ADAMTS19: variants seen among roughly 807,000 people sequenced by gnomAD.
The protein encoded by ADAMTS19 is A disintegrin and metalloproteinase with thrombospondin motifs 19.
ADAMTS19 carries 93 observed loss-of-function variants against 153.3 expected under a neutral mutation model. That is an observed-to-expected ratio of 0.61 (90% confidence interval 0.51 to 0.72). ADAMTS19 has a LOEUF of 0.72. Among genes scored for constraint, ADAMTS19 ranks in the 30% least tolerant of loss-of-function variants. The pLI is 0.00. For missense variants in ADAMTS19, 1,482 were observed against 1,552.1 expected, an observed-to-expected ratio of 0.95 and a Z score of 0.76; for synonymous variants, 600 against 556.6, an observed-to-expected ratio of 1.08 and a Z score of -1.10.
intron 19 of ADAMTS19, among the ~76,000 whole-genome samples, chr5:129,696,742 G>A (rs558358151): frequency 2.0e-5 from 3 of 152,216 alleles, no homozygotes; most frequent in South Asian, 2.1e-4. Context: ...GGTCAAAGGT[G>A]GATTCAAAGA....
intron 8 of ADAMTS19, among the ~76,000 whole-genome samples, chr5:129,608,116 G>GTGTGTGTATATATATATATATA (rs377008786): frequency 3.1e-4 from 15 of 47,938 alleles, no homozygotes; most frequent in South Asian, 9.7e-4. Context: ...GTGTGTGTGT[G>GTGTGTGTATATATATATATATA]TATATATATA....
intron 2 of ADAMTS19, among the ~76,000 whole-genome samples, chr5:129,489,068 A>C (rs189696941): frequency 1.3e-5 from 2 of 152,258 alleles, no homozygotes; most frequent in Admixed American, 1.3e-4. Flanking sequence ...TAGGTGCGTG[A>C]ACAATTTAGC....
At chr5:129,484,095 A>G (rs1012367564) in intron 2 of ADAMTS19, among the ~76,000 whole-genome samples, 13 of 152,142 alleles carry the variant, frequency 8.5e-5, no homozygotes, top group Non-Finnish European at 1.5e-5. Flanking sequence ...TTTAATGTTT[A>G]TTTCCACAAT....
intron 2 of ADAMTS19, among the ~76,000 whole-genome samples, chr5:129,486,923 T>G (rs938320606): frequency 6.6e-6 from 1 of 152,186 alleles, no homozygotes; most frequent in African/African-American, 2.4e-5. Context: ...CAGGATGCAA[T>G]GCCGGTTCAT....
chr5:129,665,310 G>T (rs998544099), intron 15 of ADAMTS19, among the ~76,000 whole-genome samples, 189 bp from the exon 16 acceptor site: 9 of 151,752 alleles, frequency 5.9e-5, no homozygotes, highest in East Asian at 1.9e-4. Context: ...AGTGCTGTAG[G>T]CTCAACATGT....
chr5:129,568,696 C>T (rs1317813960), intron 7 of ADAMTS19, among the ~76,000 whole-genome samples: 1 of 152,020 alleles, frequency 6.6e-6, no homozygotes, highest in Non-Finnish European at 1.5e-5. Flanking sequence ...GTATTGTGTT[C>T]TGGTAATCTC....
intron 2 of ADAMTS19, among the ~76,000 whole-genome samples, chr5:129,489,328 A>G (rs1250058083): frequency 6.6e-6 from 1 of 152,152 alleles, no homozygotes; most frequent in Non-Finnish European, 1.5e-5. Flanking sequence ...TAAGAAAAAT[A>G]AAGACCAATG....
chr5:129,557,970 A>C (rs1753370861), intron 7 of ADAMTS19, among the ~76,000 whole-genome samples: 1 of 152,272 alleles, frequency 6.6e-6, no homozygotes, highest in South Asian at 2.1e-4. Flanking sequence ...TTAAAATGTA[A>C]CTATATATTC....
At chr5:129,655,020 GGA>G (rs1753483716) in intron 14 of ADAMTS19, among the ~76,000 whole-genome samples, 1 of 152,180 alleles carries the variant, frequency 6.6e-6, no homozygotes, top group African/African-American at 2.4e-5. Context: ...AGAACATAGT[GGA>G]GAGATCAAAG....
chr5:129,583,383 G>A (rs1334510935), intron 7 of ADAMTS19, among the ~76,000 whole-genome samples: 3 of 152,048 alleles, frequency 2.0e-5, no homozygotes, highest in Non-Finnish European at 4.4e-5. Flanking sequence ...TGACGATTAT[G>A]TGTCTTGGGG....
intron 2 of ADAMTS19, among the ~76,000 whole-genome samples, chr5:129,486,215 G>A (rs1235247396): frequency 6.6e-6 from 1 of 152,096 alleles, no homozygotes; most frequent in Non-Finnish European, 1.5e-5. Flanking sequence ...AATTTGAAAG[G>A]AGGGAACACT....
intron 16 of ADAMTS19, among the ~76,000 whole-genome samples, chr5:129,675,762 C>T (rs535743938): frequency 8.5e-5 from 13 of 152,246 alleles, no homozygotes; most frequent in Non-Finnish European, 1.8e-4. Flanking sequence ...CAGCTGGGCA[C>T]AGTGGCTCAC....
At chr5:129,657,031 C>T (rs1283769212) in intron 14 of ADAMTS19, among the ~76,000 whole-genome samples, 1 of 152,228 alleles carries the variant, frequency 6.6e-6, no homozygotes, top group Non-Finnish European at 1.5e-5. Context: ...CAGGCTTCTG[C>T]TTAATGTTCT....
intron 8 of ADAMTS19, among the ~76,000 whole-genome samples, chr5:129,613,128 C>T (rs1422080437): frequency 6.6e-6 from 1 of 152,022 alleles, no homozygotes; most frequent in African/African-American, 2.4e-5. Context: ...GACAGATCAA[C>T]GAGACAGAAA....
intron 21 of ADAMTS19, among the ~76,000 whole-genome samples, chr5:129,712,416 G>A (rs1425632109): frequency 6.6e-6 from 1 of 152,124 alleles, no homozygotes; most frequent in Non-Finnish European, 1.5e-5. Context: ...TAATAAGTAG[G>A]ATCCCTTTCC....
intron 8 of ADAMTS19, among the ~76,000 whole-genome samples, chr5:129,606,988 G>C (rs1342992651): frequency 6.6e-6 from 1 of 152,140 alleles, no homozygotes; most frequent in Non-Finnish European, 1.5e-5. Context: ...CACCATGTCA[G>C]CTCACAGCAA....
intron 19 of ADAMTS19, among the ~76,000 whole-genome samples, chr5:129,695,333 C>G (rs1755505665): frequency 1.3e-5 from 2 of 152,110 alleles, no homozygotes; most frequent in South Asian, 4.1e-4. Flanking sequence ...GCAAACTGCC[C>G]AATCCCTGAT....
intron 7 of ADAMTS19, among the ~76,000 whole-genome samples, chr5:129,592,681 G>A (rs1750197673): frequency 6.6e-6 from 1 of 152,150 alleles, no homozygotes; most frequent in Non-Finnish European, 1.5e-5. Flanking sequence ...TTACACTTGA[G>A]CAAAATAAGA....
intron 2 of ADAMTS19, among the ~76,000 whole-genome samples, chr5:129,491,134 T>C (rs1750756454): frequency 1.3e-5 from 2 of 152,078 alleles, no homozygotes. Flanking sequence ...CCCAAGTAGC[T>C]GGGACTACGG....
Sources: allele counts gnomAD v4.1 joint callset (sites outside exome capture counted in the v4.1 genomes callset), GRCh38; gene constraint gnomAD v4.1.1; transcripts MANE v1.5; gene names NCBI Gene and HGNC (gene_info 2026-07-23, HGNC 2026-07-21).